CDKN2A: variants seen among roughly 807,000 people sequenced by gnomAD.
CDKN2A encodes the protein cyclin dependent kinase inhibitor 2A.
CDKN2A carries 3 observed loss-of-function variants against 11.1 expected under a neutral mutation model. The observed-to-expected ratio is 0.27, with a 90% CI of 0.12 to 0.70. The LOEUF is 0.70. Ranked by LOEUF, CDKN2A falls within the 30% of genes least tolerant of loss-of-function variation. The probability of loss-of-function intolerance (pLI) is 0.77; values close to 1 mark genes in which losing one functional copy is unlikely to be tolerated. For synonymous variants in CDKN2A, 122 were observed against 108.1 expected, an observed-to-expected ratio of 1.13 and a Z score of -0.80; for missense variants, 265 against 233.6, an observed-to-expected ratio of 1.13 and a Z score of -0.88.
chr9:21,982,185 G>T (rs1025182034), intron 2 of CDKN2A, among the ~76,000 whole-genome samples: 1 of 152,130 alleles, frequency 6.6e-6, no homozygotes, highest in Non-Finnish European at 1.5e-5. Flanking sequence ...TTGATGTGTT[G>T]TAGATTTAAT....
rs922042192 is a variant in CDKN2A, at chr9:21,968,584, C to A, written c.458-342G>T. On this transcript the variant is annotated intron_variant, in intron 2 of 2. Transcript: ENST00000304494. This position sits in a 1 kb window ranked among gnomAD's most constrained non-coding sequence, Gnocchi z 4.7. ...CTCAGTGGTTGCTCACAATGCCAGG[C>A]GCGAAGGCGTGAAGATGTGGCCTTT... 2 of 1,471,124 alleles carry A rather than the reference C, an allele frequency of 1.4e-6. No homozygotes were observed. Among genetic ancestry groups the A allele is most frequent in the Admixed American group, 2.4e-5 (1 of 41,428 alleles). 91.1% of individuals were successfully genotyped at this position (1,471,124 alleles called of 1,614,324 possible).
intron 2 of CDKN2A, chr9:21,970,672 T>C: frequency 6.4e-6 from 4 of 629,862 alleles, no homozygotes; most frequent in South Asian, 1.9e-5. Context: ...TTGGGAAGTA[T>C]AATGTACAAA....
rs1563886558 is a variant in CDKN2A, at chr9:21,968,703, T to C, written c.458-461A>G. On this transcript the variant is annotated intron_variant, in intron 2 of 2. Coordinates refer to ENST00000304494, the MANE Select transcript of CDKN2A (RefSeq NM_000077.5). The surrounding 1 kb of genome is among the most constrained non-coding windows in gnomAD (Gnocchi z 4.7). ...AGGGCGCCTCAGGCTCTGGCGCTCC[T>C]CGGCGGAATCCCGTAGCTTCCCTAC... is the stretch of plus-strand genomic sequence containing the variant. 5 of 1,536,060 alleles carry C rather than the reference T, an allele frequency of 3.3e-6. No individual in the cohort carries two copies. Among genetic ancestry groups the C allele is most frequent in the Non-Finnish European group, 4.4e-6 (5 of 1,146,918 alleles).
chr9:21,992,745 A>C (rs1197379062), intron 2 of CDKN2A, among the ~76,000 whole-genome samples: 1 of 151,946 alleles, frequency 6.6e-6, no homozygotes, highest in Non-Finnish European at 1.5e-5. Flanking sequence ...TAGAGTAATA[A>C]ATATTTTTAT....
chr9:21,971,274 T>A (rs890179220), intron 1 of CDKN2A, 66 bp from the exon 2 acceptor site: 11 of 1,552,088 alleles, frequency 7.1e-6, no homozygotes, highest in Non-Finnish European at 9.5e-6. Flanking sequence ...GAAGCTTGTG[T>A]AGAGCCCCCT....
In CDKN2A at chr9:21,968,055, G is replaced by A. The variant is rs929310632; in HGVS notation, c.*174C>T. The A allele has an allele frequency of 1.5e-5, 10 of 649,332 alleles. No homozygotes were observed. Among genetic ancestry groups the A allele is most frequent in the African/African-American group, 1.5e-4 (8 of 54,616 alleles). 40.2% of individuals were successfully genotyped at this position (649,332 alleles called of 1,614,324 possible). A position where few individuals can be genotyped will look rare whatever the true frequency, so the allele number is the denominator to read the frequency against. ...ATGATATAAATGGACATTTACGGTA[G>A]TGGGGGAAGGCATATATCTACGTTA... On this transcript the variant is annotated 3_prime_UTR_variant, in exon 3 of 3. Coordinates refer to ENST00000304494, the MANE Select transcript of CDKN2A (RefSeq NM_000077.5). This position sits in a 1 kb window ranked among gnomAD's most constrained non-coding sequence, Gnocchi z 4.7.
intron 1 of CDKN2A, 77 bp from the exon 2 acceptor site, chr9:21,971,285 C>A (rs551871163): frequency 1.9e-6 from 3 of 1,540,604 alleles, no homozygotes; most frequent in African/African-American, 2.7e-5. Flanking sequence ...AGAGCCCCCT[C>A]ACCGCCAAGC....
intron 1 of CDKN2A, among the ~76,000 whole-genome samples, chr9:21,973,993 C>T (rs1819900550): frequency 1.3e-5 from 2 of 152,080 alleles, no homozygotes; most frequent in South Asian, 4.2e-4. Context: ...CGGGTTCAAG[C>T]GATTCTCCTG....
At chr9:21,994,511 CCCCCACCCCCA>C (rs1820550186) in intron 1 of CDKN2A, 6 of 1,331,122 alleles carry the variant, frequency 4.5e-6, no homozygotes, top group South Asian at 1.5e-5. Context: ...CCCACCTTCA[CCCCCACCCCCA>C]CCCCACCCCC....
chr9:21,983,800 C>G (rs543518419), intron 2 of CDKN2A, among the ~76,000 whole-genome samples: 3 of 151,958 alleles, frequency 2.0e-5, no homozygotes, highest in African/African-American at 4.8e-5. Flanking sequence ...AAATGCCAAC[C>G]ATATCCTTAA....
chr9:21,968,593 G>C lies in CDKN2A; in HGVS notation c.458-351C>G, dbSNP rs1044560399. The C allele has an allele frequency of 1.3e-6, 2 of 1,483,452 alleles. No individual in the cohort carries two copies. The highest frequency in any genetic ancestry group is 2.5e-5 in the East Asian group (1 of 40,542). 91.9% of individuals were successfully genotyped at this position (1,483,452 alleles called of 1,614,324 possible). A position where few individuals can be genotyped will look rare whatever the true frequency, so the allele number is the denominator to read the frequency against. On this transcript the variant is annotated intron_variant, in intron 2 of 2. Coordinates refer to ENST00000304494, the MANE Select transcript of CDKN2A (RefSeq NM_000077.5). The surrounding 1 kb of genome is among the most constrained non-coding windows in gnomAD (Gnocchi z 4.7). ...TGCTCACAATGCCAGGCGCGAAGGC[G>C]TGAAGATGTGGCCTTTCCCTTCCCG...
At chr9:21,990,779 T>C (rs564284514) in intron 2 of CDKN2A, among the ~76,000 whole-genome samples, 47 of 152,244 alleles carry the variant, frequency 3.1e-4, no homozygotes, top group Non-Finnish European at 4.1e-4. Flanking sequence ...TTTAACACTT[T>C]ATTGCTAGAA....
chr9:21,972,849 T>C (rs1360916321), intron 1 of CDKN2A, among the ~76,000 whole-genome samples: 1 of 152,220 alleles, frequency 6.6e-6, no homozygotes, highest in African/African-American at 2.4e-5. Flanking sequence ...GGATAACTGT[T>C]ATTTGTTATA....
At position 21,968,392 on chromosome 9, in the gene CDKN2A, A is replaced by C; in HGVS notation, c.458-150T>G. On this transcript the variant is annotated intron_variant, in intron 2 of 2. Transcript: ENST00000304494. This position sits in a 1 kb window ranked among gnomAD's most constrained non-coding sequence, Gnocchi z 4.7. ...GCTTCACGTGCATGTACCCGCCGCC[A>C]CCGCTCTCCCACACCTCCCTGGTCC... 1 of 1,519,056 alleles carries C rather than the reference A, an allele frequency of 6.6e-7. No individual in the cohort carries two copies. The highest frequency in any genetic ancestry group is 8.9e-7 in the Non-Finnish European group (1 of 1,125,002). The allele number at this position is 1,519,056 out of a possible 1,614,324, so 94.1% of individuals were successfully genotyped here.
At chr9:21,984,999 A>G (rs1820270086) in intron 2 of CDKN2A, among the ~76,000 whole-genome samples, 1 of 151,936 alleles carries the variant, frequency 6.6e-6, no homozygotes, top group Non-Finnish European at 1.5e-5. Context: ...ATGTGATTCA[A>G]CTCCACTCAA....
At position 21,970,990 on chromosome 9, in the gene CDKN2A, A is replaced by G. The variant is rs6413463; in HGVS notation, c.369T>C (p.His123=). 15 of 1,610,076 alleles carry G rather than the reference A, an allele frequency of 9.3e-6. No individual in the cohort carries two copies. In the Admixed American group the frequency reaches 1.3e-4, roughly 14 times the overall value. Residue 123 remains histidine (H), a synonymous_variant, in exon 2 of 3, where the codon CAT becomes CAC. Coordinates refer to ENST00000304494, the MANE Select transcript of CDKN2A (RefSeq NM_000077.5). ...LPVDLAEELG[H]RDVARYLRAA... ...CGCGCAGGTACCGTGCGACATCGCG[A>G]TGGCCCAGCTCCTCAGCCAGGTCCA...
Position 21,974,647 on chromosome 9 carries a change from C to A in CDKN2A, c.150+31G>T, listed in dbSNP as rs537813612. ...TTCGTCCTCCAGAGTCGCCCGCCAT[C>A]CCCTGCTCCCGCTGCAGACCCTCTA... On this transcript the variant is annotated intron_variant, in intron 1 of 2. Coordinates refer to ENST00000304494, the MANE Select transcript of CDKN2A (RefSeq NM_000077.5). The surrounding 1 kb of genome is among the most constrained non-coding windows in gnomAD (Gnocchi z 5.2). The A allele has an allele frequency of 6.2e-7, 1 of 1,614,240 alleles. No individual in the cohort carries two copies.
intron 1 of CDKN2A, 198 bp from the exon 2 acceptor site, chr9:21,971,406 A>T: frequency 3.5e-6 from 5 of 1,443,982 alleles, no homozygotes; most frequent in Non-Finnish European, 4.5e-6. Flanking sequence ...ATTCCATTAT[A>T]TCCTCCGAAC....
rs540865576 is a variant in CDKN2A, at chr9:21,968,937, G to A, written c.458-695C>T. 1.6e-4 allele frequency among the ~76,000 whole-genome samples: 25 copies of A among 152,308 alleles called. 2 individuals carry two copies. The South Asian group carries it at 5.2e-3, about 32-fold the overall frequency. ...CCTGAGGGAGCATTTGCACTTGAAA[G>A]TCTCTTTTTACGTTTATTCCTGAGG... is the stretch of plus-strand genomic sequence containing the variant. On this transcript the variant is annotated intron_variant, in intron 2 of 2. Coordinates refer to ENST00000304494, the MANE Select transcript of CDKN2A (RefSeq NM_000077.5). The surrounding 1 kb of genome is among the most constrained non-coding windows in gnomAD (Gnocchi z 4.7).
Sources: gnomAD v4.1 joint callset for allele counts (sites outside exome capture counted in the v4.1 genomes callset) on GRCh38, gnomAD v4.1.1 for gene constraint, Gnocchi (gnomAD v3.1) non-coding constraint, MANE v1.5 for transcripts, NCBI Gene and HGNC (gene_info 2026-07-23, HGNC 2026-07-21) for gene names.